Variants in HS3ST3B1 observed in about 807,000 individuals in gnomAD.
HS3ST3B1 encodes heparan sulfate-glucosamine 3-sulfotransferase 3B1.
HS3ST3B1 carries 13 observed loss-of-function variants against 21.3 expected under a neutral mutation model. The observed-to-expected ratio is 0.61, with a 90% CI of 0.40 to 0.97. The LOEUF (loss-of-function observed/expected upper bound fraction) is 0.97, where lower values mean the gene tolerates loss of function less well. HS3ST3B1 is among the 50% of genes least tolerant of loss of function. HS3ST3B1 has a pLI of 0.00. For missense variants in HS3ST3B1, 459 were observed against 554.8 expected (o/e 0.83, Z 1.73); for synonymous variants, 234 against 254.8 (o/e 0.92, Z 0.78).
chr17:14,339,789 G>A (rs1910314286), intron 1 of HS3ST3B1, among the ~76,000 whole-genome samples: 1 of 152,202 alleles, frequency 6.6e-6, no homozygotes, highest in African/African-American at 2.4e-5. Flanking sequence ...GCCTGGGGCT[G>A]GACAGGCTGC....
intron 1 of HS3ST3B1, among the ~76,000 whole-genome samples, chr17:14,342,386 G>A (rs1910415653): frequency 6.6e-6 from 1 of 152,130 alleles, no homozygotes; most frequent in Admixed American, 6.5e-5. Flanking sequence ...TGTCCGACTT[G>A]TAAATAATAA....
intron 1 of HS3ST3B1, chr17:14,304,332 A>G (rs1909057013): frequency 6.6e-6 from 1 of 152,262 alleles, no homozygotes; most frequent in South Asian, 2.1e-4. Context: ...AAATGCCGCA[A>G]CTGGCCCCAA....
chr17:14,312,101 TA>T (rs11289762), intron 1 of HS3ST3B1, among the ~76,000 whole-genome samples: 81,155 of 150,444 alleles, frequency 0.54, 21,935 homozygotes, highest in Admixed American at 0.56. Flanking sequence ...ACTGTGTGAT[TA>T]AAAAAAAAAA....
chr17:14,307,844 C>T (rs1909184226), intron 1 of HS3ST3B1, among the ~76,000 whole-genome samples: 3 of 152,260 alleles, frequency 2.0e-5, no homozygotes, highest in South Asian at 2.1e-4. Context: ...CCAAACAGGG[C>T]GCTACCTCTC....
intron 1 of HS3ST3B1, among the ~76,000 whole-genome samples, chr17:14,337,003 T>C (rs9899451): frequency 3.3e-5 from 5 of 152,086 alleles, no homozygotes; most frequent in African/African-American, 1.2e-4. Flanking sequence ...AGAGGCTGAG[T>C]GCATTCATAT....
At position 14,334,835 on chromosome 17, in the gene HS3ST3B1, TGTTTGTCG is replaced by T. The variant is rs151301840; in HGVS notation, c.555-10188_555-10181del. Among the ~76,000 whole-genome samples the T allele has an allele frequency of 1.8e-3, 281 of 152,290 alleles. 2 individuals are homozygous for T. The highest frequency in any genetic ancestry group is 5.5e-3 in the African/African-American group (229 of 41,556). On this transcript the variant is annotated intron_variant, in intron 1 of 1. Coordinates refer to ENST00000360954, the MANE Select transcript of HS3ST3B1 (RefSeq NM_006041.3). ...TTTTCTTTTTGAGTTTAGCTGCTGATGTTTGTCGGTTTATCAGGCACTCAAAAAACTGC... is the reference window on the plus strand; with the variant it reads ...TTTTCTTTTTGAGTTTAGCTGCTGATGTTTATCAGGCACTCAAAAAACTGC...
intron 1 of HS3ST3B1, among the ~76,000 whole-genome samples, chr17:14,331,252 G>A (rs1197536220): frequency 3.3e-5 from 5 of 152,034 alleles, no homozygotes; most frequent in Non-Finnish European, 7.4e-5. Flanking sequence ...ACCCCAGAGA[G>A]CTCACCCGCA....
intron 1 of HS3ST3B1, among the ~76,000 whole-genome samples, chr17:14,319,434 G>A (rs1909592012): frequency 6.6e-6 from 1 of 152,134 alleles, no homozygotes; most frequent in South Asian, 2.1e-4. Flanking sequence ...AGAGGGGGAG[G>A]AATCAGGTTG....
At chr17:14,336,912 T>C (rs1272249809) in intron 1 of HS3ST3B1, among the ~76,000 whole-genome samples, 1 of 152,104 alleles carries the variant, frequency 6.6e-6, no homozygotes, top group Non-Finnish European at 1.5e-5. Flanking sequence ...AGACCAAGAT[T>C]TTGGGGACAC....
intron 1 of HS3ST3B1, among the ~76,000 whole-genome samples, chr17:14,319,845 G>A (rs1909604176): frequency 6.6e-6 from 1 of 151,940 alleles, no homozygotes; most frequent in South Asian, 2.1e-4. Flanking sequence ...AAGTTCTTTA[G>A]TGGTGATTTC....
At chr17:14,326,921 CAAAAAA>C (rs60800866) in intron 1 of HS3ST3B1, among the ~76,000 whole-genome samples, 3 of 60,472 alleles carry the variant, frequency 5.0e-5, no homozygotes, top group South Asian at 6.7e-4. Flanking sequence ...AACTCTGTCT[CAAAAAA>C]AAAAAAAAAA....
intron 1 of HS3ST3B1, among the ~76,000 whole-genome samples, chr17:14,313,190 G>A (rs143383429): frequency 0.027 from 4,009 of 150,586 alleles, 72 homozygotes; most frequent in Non-Finnish European, 0.038. Flanking sequence ...GGCTGGTCTC[G>A]AACTCCTGAC....
chr17:14,301,338 T>TACAGCTGCCGCCGCC lies in HS3ST3B1; in HGVS notation c.-178_-164dup, dbSNP rs1292127634. 6 of 516,252 alleles carry TACAGCTGCCGCCGCC rather than the reference T, an allele frequency of 1.2e-5. No homozygotes were observed. The highest frequency in any genetic ancestry group is 7.0e-5 in the East Asian group (2 of 28,564). 32.0% of individuals were successfully genotyped at this position (516,252 alleles called of 1,614,324 possible). On this transcript the variant is annotated 5_prime_UTR_variant, in exon 1 of 2. Coordinates refer to ENST00000360954, the MANE Select transcript of HS3ST3B1 (RefSeq NM_006041.3). ...GCAACATGTCAAGAGCCGCCGCCGCTACAGCTGCCGCCGCCACCTGGGGAA... is the reference window on the plus strand; with the variant it reads ...GCAACATGTCAAGAGCCGCCGCCGCTACAGCTGCCGCCGCCACAGCTGCCGCCGCCACCTGGGGAA...
At chr17:14,325,457 GA>G (rs1909780361) in intron 1 of HS3ST3B1, among the ~76,000 whole-genome samples, 1 of 152,176 alleles carries the variant, frequency 6.6e-6, no homozygotes, top group African/African-American at 2.4e-5. Context: ...AGGAGGTAGA[GA>G]AAAAAGTCCA....
intron 1 of HS3ST3B1, among the ~76,000 whole-genome samples, chr17:14,312,950 G>A (rs1293034422): frequency 6.7e-6 from 1 of 148,238 alleles, no homozygotes; most frequent in Non-Finnish European, 1.5e-5. Context: ...TTTCACCCAG[G>A]CTGGAGTGCA....
chr17:14,322,481 A>C (rs768918145), intron 1 of HS3ST3B1, among the ~76,000 whole-genome samples: 12 of 152,196 alleles, frequency 7.9e-5, no homozygotes, highest in Non-Finnish European at 1.3e-4. Context: ...TCTTCTGATA[A>C]AAGGTTTGCC....
intron 1 of HS3ST3B1, among the ~76,000 whole-genome samples, chr17:14,338,585 G>T (rs781541449): frequency 1.2e-4 from 18 of 151,672 alleles, no homozygotes; most frequent in Non-Finnish European, 2.5e-4. Context: ...TGAGATTACA[G>T]GTGTGTGCCA....
intron 1 of HS3ST3B1, among the ~76,000 whole-genome samples, chr17:14,316,716 A>G (rs865946332): frequency 1.3e-5 from 2 of 152,164 alleles, no homozygotes; most frequent in Non-Finnish European, 1.5e-5. Flanking sequence ...AAAAAAATGC[A>G]TTTTCCCCCT....
intron 1 of HS3ST3B1, among the ~76,000 whole-genome samples, chr17:14,308,381 C>T (rs1318994471): frequency 6.6e-6 from 1 of 152,136 alleles, no homozygotes; most frequent in Non-Finnish European, 1.5e-5. Context: ...TTTATAAATT[C>T]TTTTAAATAC....
Sources: gnomAD v4.1 joint callset for allele counts (sites outside exome capture counted in the v4.1 genomes callset) on GRCh38, gnomAD v4.1.1 for gene constraint, MANE v1.5 for transcripts, NCBI Gene and HGNC (gene_info 2026-07-23, HGNC 2026-07-21) for gene names.